Variants in NBAS observed in about 807,000 individuals in gnomAD.
NBAS encodes the protein NAG/BC035112 fusion.
In NBAS, 219 loss-of-function variants were observed where a neutral mutation model predicts 302.5. The ratio of observed to expected loss-of-function variants is 0.72; its 90% CI spans 0.65 to 0.81. NBAS has a LOEUF of 0.81. Ranked by LOEUF, NBAS falls within the 30% of genes least tolerant of loss-of-function variation. The pLI is 0.00. For synonymous variants in NBAS, 1,118 were observed against 1,021.6 expected, an observed-to-expected ratio of 1.09 and a Z score of -1.80; for missense variants, 2,932 against 2,841.6, an observed-to-expected ratio of 1.03 and a Z score of -0.72.
chr2:15,109,491 G>A, the NBAS span, among the ~76,000 whole-genome samples: 1 of 152,118 alleles, frequency 6.6e-6, no homozygotes, highest in African/African-American at 2.4e-5. Context: ...ATGTGAACAT[G>A]AGATTTTAAA....
At chr2:14,849,062 C>T in the NBAS span, among the ~76,000 whole-genome samples, 1 of 151,000 alleles carries the variant, frequency 6.6e-6, no homozygotes, top group African/African-American at 2.4e-5. Flanking sequence ...AGCAACGGAA[C>T]AAAGCTGGAT....
At chr2:15,207,015 C>G (rs1572449009) in intron 48 of NBAS, among the ~76,000 whole-genome samples, 1 of 152,102 alleles carries the variant, frequency 6.6e-6, no homozygotes, top group Non-Finnish European at 1.5e-5. Context: ...TCCTCCAGAC[C>G]CCAGAATGGT....
the NBAS span, among the ~76,000 whole-genome samples, chr2:14,816,885 G>A: frequency 5.9e-5 from 9 of 152,164 alleles, no homozygotes; most frequent in Admixed American, 5.9e-4. Context: ...AGCCATAGCT[G>A]CCAAAGTTAA....
chr2:15,491,396 C>G (rs1016396562), intron 11 of NBAS, among the ~76,000 whole-genome samples: 4 of 152,218 alleles, frequency 2.6e-5, no homozygotes, highest in Non-Finnish European at 5.9e-5. Flanking sequence ...CTTATCCAAC[C>G]ATACTTCCAC....
intron 17 of NBAS, 84 bp from the exon 18 acceptor site, chr2:15,467,888 T>A: frequency 1.7e-6 from 2 of 1,200,518 alleles, no homozygotes; most frequent in Non-Finnish European, 2.4e-6. Context: ...TTGACTGATT[T>A]CATTATTGAT....
chr2:15,477,267 CA>C (rs1228333158), intron 13 of NBAS, among the ~76,000 whole-genome samples: 1 of 151,496 alleles, frequency 6.6e-6, no homozygotes, highest in Admixed American at 6.6e-5. Flanking sequence ...GAACTAAAAG[CA>C]TTTTTTTTTT....
the NBAS span, among the ~76,000 whole-genome samples, chr2:14,893,764 G>A: frequency 6.6e-6 from 1 of 152,174 alleles, no homozygotes; most frequent in African/African-American, 2.4e-5. Context: ...TTTTTGCAGT[G>A]TTAATTGCTA....
Position 15,539,369 on chromosome 2 carries a change from A to G in NBAS, c.380-13T>C. On this transcript the variant is annotated splice_polypyrimidine_tract_variant and intron_variant, in intron 6 of 51. Coordinates refer to ENST00000281513, the MANE Select transcript of NBAS (RefSeq NM_015909.4). ...GGGTCTTTCGGAACTAGAACAAAAG[A>G]AAACAAGAGGTGCTTCTAACAATAT... 7.4e-6 allele frequency: 12 copies of G among 1,614,192 alleles called. No individual in the cohort carries two copies. The highest frequency in any genetic ancestry group is 1.0e-5 in the Non-Finnish European group (12 of 1,180,006).
chr2:15,150,066 CAAAAAA>C, the NBAS span, among the ~76,000 whole-genome samples: 1 of 64,184 alleles, frequency 1.6e-5, no homozygotes, highest in Non-Finnish European at 3.6e-5. Context: ...AACCCTGTCT[CAAAAAA>C]AAAAAAAAAA....
At chr2:15,263,225 C>T (rs1020661117) in intron 44 of NBAS, among the ~76,000 whole-genome samples, 1 of 152,162 alleles carries the variant, frequency 6.6e-6, no homozygotes, top group Non-Finnish European at 1.5e-5. Flanking sequence ...ACTGCAACAT[C>T]CACCTCCTGG....
the NBAS span, among the ~76,000 whole-genome samples, chr2:14,826,539 T>C: frequency 6.6e-5 from 10 of 152,352 alleles, no homozygotes; most frequent in Admixed American, 3.3e-4. Context: ...TTCCAAGCCA[T>C]GCCAATCTCT....
chr2:15,123,141 G>A, the NBAS span, among the ~76,000 whole-genome samples: 2 of 152,162 alleles, frequency 1.3e-5, no homozygotes, highest in African/African-American at 4.8e-5. Context: ...CTCCCAGCAT[G>A]CTGAGTCATC....
At chr2:15,064,022 T>C in the NBAS span, among the ~76,000 whole-genome samples, 1 of 152,180 alleles carries the variant, frequency 6.6e-6, no homozygotes, top group East Asian at 1.9e-4. Flanking sequence ...AGTAGAATGT[T>C]CTGTATACGT....
At chr2:15,071,007 T>TG in the NBAS span, among the ~76,000 whole-genome samples, 4 of 152,166 alleles carry the variant, frequency 2.6e-5, no homozygotes, top group South Asian at 6.2e-4. Context: ...GAATGCACAG[T>TG]GGGTTAGTGA....
At chr2:15,372,767 G>A (rs1035246) in intron 31 of NBAS, among the ~76,000 whole-genome samples, 85,420 of 151,936 alleles carry the variant, frequency 0.56, 25,813 homozygotes, top group Non-Finnish European at 0.68. Flanking sequence ...GCAGGGCAGC[G>A]GTTTTGGTTG....
At chr2:15,463,026 A>G (rs982976237) in intron 19 of NBAS, among the ~76,000 whole-genome samples, 1 of 152,158 alleles carries the variant, frequency 6.6e-6, no homozygotes, top group Non-Finnish European at 1.5e-5. Context: ...TAATCCCAAT[A>G]CTTTGGCAGG....
chr2:15,446,145 A>C (rs1678729307), intron 21 of NBAS, among the ~76,000 whole-genome samples: 1 of 152,154 alleles, frequency 6.6e-6, no homozygotes, highest in African/African-American at 2.4e-5. Context: ...ATATTTGAAG[A>C]AATAATGACC....
chr2:14,994,076 A>C, the NBAS span, among the ~76,000 whole-genome samples: 70,752 of 152,056 alleles, frequency 0.47, 17,765 homozygotes, highest in African/African-American at 0.66. Flanking sequence ...GTTTGCTTAC[A>C]TGCATCTTTC....
intron 7 of NBAS, among the ~76,000 whole-genome samples, chr2:15,536,848 A>T (rs1383226625): frequency 2.6e-5 from 4 of 152,204 alleles, no homozygotes; most frequent in Non-Finnish European, 5.9e-5. Flanking sequence ...AAAAAAACAA[A>T]GATAATGCCA....
Sources: gnomAD v4.1 joint callset for allele counts (sites outside exome capture counted in the v4.1 genomes callset) on GRCh38, gnomAD v4.1.1 for gene constraint, MANE v1.5 for transcripts, NCBI Gene and HGNC (gene_info 2026-07-23, HGNC 2026-07-21) for gene names.